ATXN2: variants seen among roughly 807,000 people sequenced by gnomAD.
The protein encoded by ATXN2 is ataxin 2.
In ATXN2, 37 loss-of-function variants were observed where a neutral mutation model predicts 138.6. The ratio of observed to expected loss-of-function variants is 0.27; its 90% confidence interval spans 0.21 to 0.35. The LOEUF (loss-of-function observed/expected upper bound fraction) is 0.35, where lower values mean the gene tolerates loss of function less well. Ranked by LOEUF, ATXN2 falls within the 10% of genes least tolerant of loss-of-function variation. The pLI, the probability that ATXN2 is intolerant of heterozygous loss-of-function variation, is 1.00. For missense variants in ATXN2, 1,216 were observed against 1,480.3 expected, an observed-to-expected ratio of 0.82 and a Z score of 2.93; for synonymous variants, 549 against 543.7, an observed-to-expected ratio of 1.01 and a Z score of -0.13.
chr12:111,477,624 A>C (rs1876915609), intron 18 of ATXN2, among the ~76,000 whole-genome samples: 1 of 152,058 alleles, frequency 6.6e-6, no homozygotes, highest in Non-Finnish European at 1.5e-5. Context: ...CTGGCTCTTC[A>C]AAAAAAACCG....
At chr12:111,599,616 C>T (rs949448415), upstream of ATXN2, 5 of 1,073,254 alleles carry the variant, frequency 4.7e-6, no homozygotes, top group East Asian at 1.9e-4. Context: ...CGTGAGGTGG[C>T]CCCGGGGCCG....
intron 7 of ATXN2, among the ~76,000 whole-genome samples, chr12:111,520,435 G>A (rs917414937): frequency 2.6e-5 from 4 of 152,222 alleles, no homozygotes; most frequent in Admixed American, 1.3e-4. Context: ...GGTGGATCAC[G>A]AGGTGAAGAG....
rs558568700 is a variant in ATXN2, at chr12:111,461,712, G to A, written c.2896+2950C>T. On this transcript the variant is annotated intron_variant, in intron 21 of 24. Transcript: ENST00000673436. ...CCGAGGTAGGTGATCACGAGGTCAG[G>A]AGTTCAAGACCAGCCTGGCCAAGAT... Among the ~76,000 whole-genome samples the A allele has an allele frequency of 6.1e-4, 92 of 151,898 alleles. 1 individual carries two copies. The highest frequency in any genetic ancestry group is 3.4e-3 in the Middle Eastern group (1 of 294).
intron 6 of ATXN2, among the ~76,000 whole-genome samples, chr12:111,522,829 G>T (rs1399381414): frequency 6.6e-6 from 1 of 152,142 alleles, no homozygotes; most frequent in South Asian, 2.1e-4. Context: ...CAGGAGAATC[G>T]CTTGAACCTG....
At chr12:111,594,464 A>C (rs1884830953) in intron 1 of ATXN2, among the ~76,000 whole-genome samples, 1 of 151,886 alleles carries the variant, frequency 6.6e-6, no homozygotes, top group African/African-American at 2.4e-5. Context: ...TCAGCCTCCC[A>C]AGTAGCTGGG....
At chr12:111,487,041 G>C (rs1418618139) in intron 15 of ATXN2, among the ~76,000 whole-genome samples, 2 of 151,870 alleles carry the variant, frequency 1.3e-5, no homozygotes, top group African/African-American at 4.8e-5. Flanking sequence ...TTAAAAATCT[G>C]AGTAATATAC....
chr12:111,518,842 G>A (rs1361920299), intron 8 of ATXN2, among the ~76,000 whole-genome samples: 3 of 152,064 alleles, frequency 2.0e-5, no homozygotes, highest in African/African-American at 4.8e-5. Flanking sequence ...AAACTGAACC[G>A]CCAGTCTCAC....
At chr12:111,574,149 T>C (rs1306541454) in intron 1 of ATXN2, among the ~76,000 whole-genome samples, 2 of 150,898 alleles carry the variant, frequency 1.3e-5, no homozygotes, top group African/African-American at 2.4e-5. Flanking sequence ...CTACCAAAAA[T>C]ACAAAAAAAT....
chr12:111,530,811 C>G (rs1390840207), intron 5 of ATXN2, among the ~76,000 whole-genome samples: 2 of 151,186 alleles, frequency 1.3e-5, no homozygotes, highest in South Asian at 4.2e-4. Context: ...GAGACTCCAT[C>G]TCAAAAAAAC....
intron 23 of ATXN2, 78 bp downstream of exon 23, chr12:111,455,951 G>A: frequency 4.4e-6 from 6 of 1,367,556 alleles, no homozygotes; most frequent in Non-Finnish European, 6.3e-6. Context: ...TTCCTAGCTG[G>A]GAGAGCCTCT....
intron 5 of ATXN2, among the ~76,000 whole-genome samples, chr12:111,545,455 G>A (rs890436183): frequency 6.6e-5 from 10 of 151,754 alleles, no homozygotes; most frequent in Admixed American, 5.2e-4. Context: ...AATTAGCCGG[G>A]CGTGGTGGCA....
chr12:111,494,795 A>G (rs1009099751), intron 14 of ATXN2, among the ~76,000 whole-genome samples: 4 of 152,136 alleles, frequency 2.6e-5, no homozygotes, highest in Non-Finnish European at 5.9e-5. Context: ...ATTAAAACAT[A>G]CCACCAGAGA....
In ATXN2 at chr12:111,465,598, C is replaced by T. The variant is rs1186141498; in HGVS notation, c.2843-883G>A. Among the ~76,000 whole-genome samples the T allele has an allele frequency of 4.0e-5, 6 of 151,138 alleles. No individual in the cohort carries two copies. The East Asian group carries it at 5.8e-4, about 15-fold the overall frequency. ...CAGCCTGGCCAAGACGGTGAAACCC[C>T]GTCTCTACTAAAAATACAAAAATTG... On this transcript the variant is annotated intron_variant, in intron 20 of 24. Transcript: ENST00000673436.
rs59366504 is a variant in ATXN2, at chr12:111,501,894, CT to C, written c.1935+7654del. On this transcript the variant is annotated intron_variant, in intron 14 of 24. Transcript: ENST00000673436. ...TGCATTTCTTACTATGGGTTGGACACTTTTTTTTTTTTTTCCAAACAGGGTC... is the reference window on the plus strand; with the variant it reads ...TGCATTTCTTACTATGGGTTGGACACTTTTTTTTTTTTTCCAAACAGGGTC... 1.3e-3 allele frequency among the ~76,000 whole-genome samples: 189 copies of C among 143,892 alleles called. 2 individuals are homozygous for C. Among genetic ancestry groups the C allele is most frequent in the Middle Eastern group, 3.5e-3 (1 of 282 alleles). The allele number at this position is 143,892 out of a possible 152,430, so 94.4% of individuals were successfully genotyped here.
At chr12:111,504,067 C>T (rs1878953261) in intron 14 of ATXN2, among the ~76,000 whole-genome samples, 1 of 152,168 alleles carries the variant, frequency 6.6e-6, no homozygotes, top group Non-Finnish European at 1.5e-5. Flanking sequence ...TTAAGTCAAG[C>T]ATTAATGAAG....
intron 14 of ATXN2, among the ~76,000 whole-genome samples, chr12:111,504,623 G>C (rs541982808): frequency 1.3e-5 from 2 of 152,138 alleles, no homozygotes; most frequent in East Asian, 3.9e-4. Context: ...ATGGTGCTGG[G>C]ACAACTAATA....
intron 21 of ATXN2, among the ~76,000 whole-genome samples, chr12:111,462,178 AG>A (rs1441673452): frequency 6.5e-4 from 99 of 152,362 alleles, no homozygotes; most frequent in Middle Eastern, 3.4e-3. Context: ...AAAATCTTTT[AG>A]ATTAAAGATA....
chr12:111,588,372 G>C (rs1467749173), intron 1 of ATXN2, among the ~76,000 whole-genome samples: 1 of 151,940 alleles, frequency 6.6e-6, no homozygotes, highest in Admixed American at 6.6e-5. Context: ...AGTTAAGGTT[G>C]CCAGGCATGG....
chr12:111,561,868 G>C (rs1004550760), intron 1 of ATXN2, among the ~76,000 whole-genome samples: 12 of 151,938 alleles, frequency 7.9e-5, no homozygotes, highest in African/African-American at 2.9e-4. Flanking sequence ...CTGGAGTGCA[G>C]TGGCATGATC....
Sources: allele counts gnomAD v4.1 joint callset (sites outside exome capture counted in the v4.1 genomes callset), GRCh38; gene constraint gnomAD v4.1.1; transcripts MANE v1.5; gene names NCBI Gene and HGNC (gene_info 2026-07-23, HGNC 2026-07-21).